The following CCDC170 variants were observed in gnomAD, a reference collection of about 807,000 sequenced individuals.
CCDC170 encodes coiled-coil domain-containing protein 170.
Under a neutral mutation model 72.6 loss-of-function variants are expected in CCDC170, and 69 were observed. The observed-to-expected ratio is 0.95, with a 90% confidence interval of 0.78 to 1.16. CCDC170 has a LOEUF of 1.16. CCDC170 is among the 50% of genes most tolerant of loss of function. CCDC170 has a pLI of 0.00. For synonymous variants in CCDC170, 300 were observed against 303.9 expected (o/e 0.99, Z 0.13); for missense variants, 852 against 832.5 (o/e 1.02, Z -0.29).
chr6:151,563,124 G>A (rs965596940), intron 5 of CCDC170, among the ~76,000 whole-genome samples: 10 of 152,126 alleles, frequency 6.6e-5, no homozygotes, highest in Non-Finnish European at 1.2e-4. Context: ...TTCCGGGATG[G>A]TGCCATTCTG....
intron 5 of CCDC170, among the ~76,000 whole-genome samples, chr6:151,566,385 AT>A (rs201099656): frequency 4.0e-5 from 6 of 149,376 alleles, no homozygotes; most frequent in Admixed American, 1.3e-4. Context: ...CTGAATGTGC[AT>A]TTTTTTTTCA....
chr6:151,497,813 TA>T (rs1278068070), intron 1 of CCDC170, among the ~76,000 whole-genome samples: 1 of 151,530 alleles, frequency 6.6e-6, no homozygotes. Flanking sequence ...CCGTCTGTAC[TA>T]AAAATACAAA....
chr6:151,514,497 C>G (rs1306854406), intron 1 of CCDC170, among the ~76,000 whole-genome samples: 1 of 152,020 alleles, frequency 6.6e-6, no homozygotes, highest in Non-Finnish European at 1.5e-5. Context: ...GGAGAAGCAG[C>G]TTGTGAAGAA....
chr6:151,494,725 G>T (rs1462357138), intron 1 of CCDC170, among the ~76,000 whole-genome samples: 1 of 152,124 alleles, frequency 6.6e-6, no homozygotes, highest in Admixed American at 6.5e-5. Flanking sequence ...ATGTACCAAT[G>T]CGCGCGCGCA....
At chr6:151,507,329 G>A (rs1782080167) in intron 1 of CCDC170, among the ~76,000 whole-genome samples, 1 of 152,030 alleles carries the variant, frequency 6.6e-6, no homozygotes, top group Non-Finnish European at 1.5e-5. Context: ...AAAAAAATGA[G>A]CTTTGAAGTT....
At chr6:151,540,679 A>C (rs1583017187) in intron 3 of CCDC170, among the ~76,000 whole-genome samples, 1 of 151,392 alleles carries the variant, frequency 6.6e-6, no homozygotes, top group South Asian at 2.1e-4. Context: ...AAGCCACCAC[A>C]CCCAGCCAGT....
At chr6:151,521,587 T>C (rs1054607901) in intron 1 of CCDC170, among the ~76,000 whole-genome samples, 6 of 152,176 alleles carry the variant, frequency 3.9e-5, no homozygotes, top group Non-Finnish European at 8.8e-5. Flanking sequence ...AACAAGTTAA[T>C]AATGTTTATT....
intron 8 of CCDC170, among the ~76,000 whole-genome samples, chr6:151,594,502 G>T (rs1056197848): frequency 6.6e-6 from 1 of 152,010 alleles, no homozygotes; most frequent in African/African-American, 2.4e-5. Flanking sequence ...ATTAAATTCA[G>T]CTACCATTCT....
chr6:151,536,289 T>C (rs369458454), intron 1 of CCDC170, 29 bp from the exon 2 acceptor site: 18 of 1,611,130 alleles, frequency 1.1e-5, no homozygotes, highest in Middle Eastern at 1.7e-4. Context: ...CTCTTCTTTA[T>C]ATTTTGTATT....
chr6:151,600,432 C>T (rs1212169462), intron 9 of CCDC170, among the ~76,000 whole-genome samples: 4 of 152,186 alleles, frequency 2.6e-5, no homozygotes, highest in African/African-American at 9.7e-5. Flanking sequence ...CAATCTGTGC[C>T]TCCCCTTCAC....
chr6:151,550,741 C>A (rs1190731403), intron 5 of CCDC170, among the ~76,000 whole-genome samples: 1 of 152,156 alleles, frequency 6.6e-6, no homozygotes, highest in Admixed American at 6.5e-5. Context: ...CCTCATCCTG[C>A]ATGTAGATGG....
At chr6:151,542,315 G>T (rs1234878305) in intron 3 of CCDC170, among the ~76,000 whole-genome samples, 1 of 152,186 alleles carries the variant, frequency 6.6e-6, no homozygotes, top group Admixed American at 6.5e-5. Flanking sequence ...TGACCTCCTA[G>T]GCTCAAGCAA....
At chr6:151,606,672 T>G (rs1239757945) in intron 9 of CCDC170, among the ~76,000 whole-genome samples, 1 of 152,204 alleles carries the variant, frequency 6.6e-6, no homozygotes, top group African/African-American at 2.4e-5. Context: ...AAGAATTCTT[T>G]GTTGATTTTT....
At chr6:151,570,508 G>A (rs998767682) in intron 5 of CCDC170, among the ~76,000 whole-genome samples, 4 of 152,142 alleles carry the variant, frequency 2.6e-5, no homozygotes, top group Admixed American at 1.3e-4. Flanking sequence ...CATTTACAGT[G>A]TATTTGGTAT....
chr6:151,574,295 G>C (rs1776270763), intron 6 of CCDC170, among the ~76,000 whole-genome samples: 1 of 152,212 alleles, frequency 6.6e-6, no homozygotes, highest in Non-Finnish European at 1.5e-5. Context: ...ACATCTAACT[G>C]TGATGCAGGT....
chr6:151,615,503 G>C lies in CCDC170; in HGVS notation c.1771G>C (p.Glu591Gln). The C allele has an allele frequency of 1.2e-6, 2 of 1,614,098 alleles. No homozygotes were observed. The highest frequency in any genetic ancestry group is 1.7e-6 in the Non-Finnish European group (2 of 1,179,988). ...EDLNKSRDQL[E>Q]KMKEKAEKKL... Reference sequence around the variant, plus strand: ...TCTAAACAAATCCAGAGACCAACTGGAGAAGATGAAGGAGAAAGCTGAGAA... The same window carrying C: ...TCTAAACAAATCCAGAGACCAACTGCAGAAGATGAAGGAGAAAGCTGAGAA... The change falls in exon 10 of 11, where the codon GAG becomes CAG. Residue 591 changes from glutamate (E) to glutamine (Q), a missense_variant. Coordinates refer to ENST00000239374, the MANE Select transcript of CCDC170 (RefSeq NM_025059.4).
chr6:151,512,152 GT>G (rs1247040921), intron 1 of CCDC170, among the ~76,000 whole-genome samples: 3 of 138,454 alleles, frequency 2.2e-5, no homozygotes, highest in African/African-American at 5.7e-5. Context: ...GCAGTATACC[GT>G]TTTTTTTTGT....
chr6:151,534,541 G>C (rs760290436), intron 1 of CCDC170, among the ~76,000 whole-genome samples: 6 of 152,078 alleles, frequency 3.9e-5, no homozygotes, highest in Non-Finnish European at 8.8e-5. Flanking sequence ...ATGGTGTGGT[G>C]GTCAGGGTGG....
At chr6:151,555,182 T>A (rs896950433) in intron 5 of CCDC170, among the ~76,000 whole-genome samples, 1 of 152,076 alleles carries the variant, frequency 6.6e-6, no homozygotes, top group Non-Finnish European at 1.5e-5. Context: ...GTGCCCAGCC[T>A]GGACCTCAGT....
Sources: allele counts gnomAD v4.1 joint callset (sites outside exome capture counted in the v4.1 genomes callset), GRCh38; gene constraint gnomAD v4.1.1; transcripts MANE v1.5; gene names NCBI Gene and HGNC (gene_info 2026-07-23, HGNC 2026-07-21).